The following TXLNB variants were observed in gnomAD, a reference collection of about 807,000 sequenced individuals.
The protein encoded by TXLNB is beta-taxilin.
A neutral mutation model predicts 57.4 loss-of-function variants in TXLNB; 37 were observed. That is an observed-to-expected ratio of 0.64 (90% CI 0.50 to 0.85). TXLNB has a LOEUF of 0.85. TXLNB is among the 40% of genes least tolerant of loss of function. The probability of loss-of-function intolerance (pLI) is 0.00; values close to 1 mark genes in which losing one functional copy is unlikely to be tolerated. For missense variants in TXLNB, 848 were observed against 825.6 expected (o/e 1.03, Z -0.33); for synonymous variants, 302 against 309.6 (o/e 0.98, Z 0.26).
At chr6:139,196,850 G>A in the TXLNB span, among the ~76,000 whole-genome samples, 1 of 151,612 alleles carries the variant, frequency 6.6e-6, no homozygotes, top group Admixed American at 6.6e-5. Flanking sequence ...TTCCAATTCT[G>A]AAAAAAAATA....
intron 8 of TXLNB, 117 bp from the exon 9 acceptor site, chr6:139,244,807 A>G: frequency 1.5e-6 from 1 of 688,136 alleles, no homozygotes; most frequent in Non-Finnish European, 2.6e-6. Context: ...TGAAGCAAAC[A>G]AATGTTCAAT....
the TXLNB span, among the ~76,000 whole-genome samples, chr6:139,299,630 CT>C: frequency 3.4e-4 from 51 of 152,208 alleles, no homozygotes; most frequent in Admixed American, 7.8e-4. Context: ...CATCTCCCCA[CT>C]TGGGGAGATG....
At chr6:139,313,660 G>T in the TXLNB span, among the ~76,000 whole-genome samples, 1 of 152,050 alleles carries the variant, frequency 6.6e-6, no homozygotes, top group Non-Finnish European at 1.5e-5. Context: ...ATGCTGGGAA[G>T]GTAAATTTTA....
At chr6:139,211,540 C>A in the TXLNB span, among the ~76,000 whole-genome samples, 1 of 152,136 alleles carries the variant, frequency 6.6e-6, no homozygotes, top group African/African-American at 2.4e-5. Flanking sequence ...AAAAACAGAG[C>A]AGAAAACCTG....
chr6:139,211,347 G>A, the TXLNB span, among the ~76,000 whole-genome samples: 9 of 152,282 alleles, frequency 5.9e-5, no homozygotes, highest in South Asian at 8.3e-4. Context: ...TGTAGCCCCC[G>A]CTGCTGATAC....
chr6:139,167,952 A>G, the TXLNB span, among the ~76,000 whole-genome samples: 386 of 152,290 alleles, frequency 2.5e-3, 1 homozygote, highest in African/African-American at 9.0e-3. Context: ...AGTATAAGAA[A>G]TCTGTCAGTT....
the TXLNB span, among the ~76,000 whole-genome samples, chr6:139,202,986 A>C: frequency 6.6e-6 from 1 of 152,144 alleles, no homozygotes; most frequent in Non-Finnish European, 1.5e-5. Flanking sequence ...ATTTCACTTA[A>C]TATCCTCTAA....
chr6:139,301,683 C>T, the TXLNB span, among the ~76,000 whole-genome samples: 1 of 152,194 alleles, frequency 6.6e-6, no homozygotes, highest in Non-Finnish European at 1.5e-5. Flanking sequence ...CAGAATGGGG[C>T]AACAAGCCCC....
intron 4 of TXLNB, 40 bp from the exon 5 acceptor site, chr6:139,262,813 C>T (rs781547073): frequency 6.9e-5 from 110 of 1,595,142 alleles, no homozygotes; most frequent in African/African-American, 2.3e-4. Context: ...AAATGCACCC[C>T]GGGTTTATAG....
chr6:139,294,340 T>A (rs1047351144), upstream of TXLNB, among the ~76,000 whole-genome samples: 1 of 152,146 alleles, frequency 6.6e-6, no homozygotes, highest in African/African-American at 2.4e-5. Context: ...TATTACATAG[T>A]TTTTATTCAT....
At chr6:139,288,992 TC>T in intron 1 of TXLNB, 79 bp from the exon 2 acceptor site, 2 of 1,044,462 alleles carry the variant, frequency 1.9e-6, no homozygotes, top group Admixed American at 2.4e-5. Flanking sequence ...GGTAAGGATA[TC>T]CCCCAAGTGA....
chr6:139,266,429 T>C (rs1776616301), intron 4 of TXLNB, among the ~76,000 whole-genome samples: 1 of 152,046 alleles, frequency 6.6e-6, no homozygotes, highest in African/African-American at 2.4e-5. Flanking sequence ...ATTCTGAAAT[T>C]AAAAATCGCA....
the TXLNB span, among the ~76,000 whole-genome samples, chr6:139,316,841 C>T: frequency 6.6e-6 from 1 of 152,010 alleles, no homozygotes; most frequent in African/African-American, 2.4e-5. Flanking sequence ...ATGTAAGTGG[C>T]CCAGGTGAGA....
At chr6:139,176,824 G>T in the TXLNB span, 2 of 676,130 alleles carry the variant, frequency 3.0e-6, no homozygotes, top group South Asian at 3.9e-5. The surrounding 1 kb of genome is among the most constrained non-coding windows in gnomAD (Gnocchi z 4.5). Flanking sequence ...GTTTTTGGTA[G>T]TAAAAGGGAT....
chr6:139,188,459 CTT>C, the TXLNB span, among the ~76,000 whole-genome samples: 1 of 152,056 alleles, frequency 6.6e-6, no homozygotes, highest in Non-Finnish European at 1.5e-5. Context: ...ATTTGTTTCT[CTT>C]ATCTAAAACA....
chr6:139,299,961 A>G, the TXLNB span, among the ~76,000 whole-genome samples: 1 of 152,178 alleles, frequency 6.6e-6, no homozygotes, highest in Non-Finnish European at 1.5e-5. Flanking sequence ...TCCCTTTCAA[A>G]TAGCCTTTTT....
intron 4 of TXLNB, among the ~76,000 whole-genome samples, chr6:139,267,258 C>T (rs1377259132): frequency 6.6e-6 from 1 of 152,054 alleles, no homozygotes; most frequent in African/African-American, 2.4e-5. Flanking sequence ...AGAAGAAATA[C>T]ATATTATTGT....
At chr6:139,174,976 G>A in the TXLNB span, among the ~76,000 whole-genome samples, 3 of 152,146 alleles carry the variant, frequency 2.0e-5, no homozygotes, top group African/African-American at 7.2e-5. Context: ...TCAAAAGGAA[G>A]AAAGTCACTT....
At chr6:139,292,044 CAA>C (rs1261515104), upstream of TXLNB, 1 of 137,630 alleles carries the variant, frequency 7.3e-6, no homozygotes. The surrounding 1 kb of genome is among the most constrained non-coding windows in gnomAD (Gnocchi z 4.0). Flanking sequence ...GAGAGAAACC[CAA>C]TACACACACA....
Sources: gnomAD v4.1 joint callset for allele counts (sites outside exome capture counted in the v4.1 genomes callset) on GRCh38, gnomAD v4.1.1 for gene constraint, Gnocchi (gnomAD v3.1) non-coding constraint, MANE v1.5 for transcripts, NCBI Gene and HGNC (gene_info 2026-07-23, HGNC 2026-07-21) for gene names.